The following PRR5 variants were observed in gnomAD, a reference collection of about 807,000 sequenced individuals.
PRR5 encodes the protein proline-rich protein 5.
In PRR5, 25 loss-of-function variants were observed where a neutral mutation model predicts 30.6. The observed-to-expected ratio is 0.82, with a 90% confidence interval of 0.60 to 1.14. The LOEUF (loss-of-function observed/expected upper bound fraction) is 1.14, where lower values mean the gene tolerates loss of function less well. Among genes scored for constraint, PRR5 ranks in the 50% most tolerant of loss-of-function variants. The pLI is 0.00. For missense variants in PRR5, 600 were observed against 547.1 expected (o/e 1.10, Z -0.96); for synonymous variants, 286 against 247.1 (o/e 1.16, Z -1.48).
chr22:44,720,476 G>A (rs1054984735), intron 2 of PRR5, among the ~76,000 whole-genome samples: 1 of 152,216 alleles, frequency 6.6e-6, no homozygotes, highest in Admixed American at 6.5e-5. Flanking sequence ...CATGGTTGGA[G>A]TTGGTGTGCG....
At chr22:44,717,245 G>A (rs1569095078) in intron 2 of PRR5, among the ~76,000 whole-genome samples, 1 of 138,968 alleles carries the variant, frequency 7.2e-6, no homozygotes, top group Non-Finnish European at 1.5e-5. Flanking sequence ...AGGCTGGAGT[G>A]CAGTGGTGCG....
chr22:44,728,055 G>A (rs928628876), intron 4 of PRR5, among the ~76,000 whole-genome samples: 2 of 152,216 alleles, frequency 1.3e-5, no homozygotes, highest in African/African-American at 2.4e-5. Context: ...CGGGGCTCTC[G>A]GAGAAGGGAG....
At chr22:44,733,981 T>A (rs1922718522) in intron 6 of PRR5, 1 of 152,268 alleles carries the variant, frequency 6.6e-6, no homozygotes. Flanking sequence ...CTTACAATTG[T>A]ACCTGGGTGT....
At chr22:44,727,302 G>A (rs891078545) in intron 4 of PRR5, among the ~76,000 whole-genome samples, 7 of 152,126 alleles carry the variant, frequency 4.6e-5, no homozygotes, top group Non-Finnish European at 1.0e-4. Flanking sequence ...GCAGCAGCGT[G>A]CGCATCCTTG....
At chr22:44,707,218 A>T (rs982573307) in intron 1 of PRR5, among the ~76,000 whole-genome samples, 2 of 152,122 alleles carry the variant, frequency 1.3e-5, no homozygotes, top group African/African-American at 4.8e-5. Context: ...CCAGCTATGA[A>T]GGCCGTGCTC....
intron 2 of PRR5, among the ~76,000 whole-genome samples, chr22:44,723,306 G>A (rs1930217593): frequency 6.6e-6 from 1 of 152,044 alleles, no homozygotes; most frequent in African/African-American, 2.4e-5. Flanking sequence ...AACATTGAAA[G>A]CTGTTGTACT....
intron 1 of PRR5, among the ~76,000 whole-genome samples, chr22:44,670,514 G>C (rs1168141528): frequency 1.3e-5 from 2 of 152,204 alleles, no homozygotes; most frequent in Admixed American, 1.3e-4. Flanking sequence ...AGTCAGGGAG[G>C]TCCAAAGAAG....
upstream of PRR5, among the ~76,000 whole-genome samples, chr22:44,697,421 G>A (rs925202842): frequency 5.9e-5 from 9 of 152,238 alleles, no homozygotes; most frequent in African/African-American, 1.4e-4. Flanking sequence ...GGGATGGGAC[G>A]GCCCGGATGG....
intron 1 of PRR5, among the ~76,000 whole-genome samples, chr22:44,671,122 T>A (rs1395867061): frequency 6.6e-6 from 1 of 152,188 alleles, no homozygotes. Flanking sequence ...CCGGGTCAGA[T>A]GGCAGTGTGG....
intron 1 of PRR5, among the ~76,000 whole-genome samples, chr22:44,704,228 T>A (rs964995586): frequency 2.6e-5 from 4 of 152,152 alleles, no homozygotes; most frequent in Non-Finnish European, 5.9e-5. Flanking sequence ...CCTGTAGGGA[T>A]GGCATTTGGA....
chr22:44,704,020 TG>T (rs1397387172), intron 1 of PRR5, among the ~76,000 whole-genome samples: 2 of 152,242 alleles, frequency 1.3e-5, no homozygotes, highest in African/African-American at 4.8e-5. Flanking sequence ...CCCTACTCTG[TG>T]GTCTTGAGCA....
chr22:44,693,994 A>G (rs576420459), intron 1 of PRR5, among the ~76,000 whole-genome samples: 94 of 151,872 alleles, frequency 6.2e-4, no homozygotes, highest in Non-Finnish European at 7.9e-4. Context: ...GTATGACCTC[A>G]TCTCAATTTG....
In PRR5 at chr22:44,696,513, G is replaced by A. The variant is rs572310045; in HGVS notation, c.-10-5979G>A. On this transcript the variant is annotated intron_variant, in intron 1 of 8. Coordinates refer to the PRR5 transcript ENST00000006251. ...TCTGGTGTATTAAGACCAGGGACCT[G>A]CTGGCCAGAGCCCCCTCCCCGGCCC... Among the ~76,000 whole-genome samples, 7 of 152,228 alleles carry A rather than the reference G, an allele frequency of 4.6e-5. No individual in the cohort carries two copies. The East Asian group carries it at 1.4e-3, about 29-fold the overall frequency.
At chr22:44,728,213 A>G (rs1437788083) in intron 4 of PRR5, among the ~76,000 whole-genome samples, 3 of 152,180 alleles carry the variant, frequency 2.0e-5, no homozygotes, top group Non-Finnish European at 4.4e-5. Context: ...TGGCCTCCCC[A>G]GGTCTCAGGG....
intron 1 of PRR5, among the ~76,000 whole-genome samples, chr22:44,669,308 C>G (rs534367215): frequency 2.2e-3 from 335 of 152,334 alleles, no homozygotes; most frequent in African/African-American, 7.6e-3. Context: ...CCTTTCTGAG[C>G]CCTGTCCTGG....
upstream of PRR5, among the ~76,000 whole-genome samples, chr22:44,698,111 C>T (rs529647299): frequency 6.6e-6 from 1 of 152,318 alleles, no homozygotes; most frequent in East Asian, 1.9e-4. Context: ...ATTGCAGGCC[C>T]TTCAGAAGGG....
Position 44,732,402 on chromosome 22 carries a change from T to G in PRR5, c.555+11T>G. 1 of 1,602,138 alleles carries G rather than the reference T, an allele frequency of 6.2e-7. No individual in the cohort carries two copies. Among genetic ancestry groups the G allele is most frequent in the Non-Finnish European group, 8.5e-7 (1 of 1,174,816 alleles). On this transcript the variant is annotated intron_variant, in intron 6 of 7. Transcript: ENST00000336985. ...CTGCTGGTGCTGCAGGTGGGCACAG[T>G]GGGCAGAGGGTCGGGCATGGGGACC...
chr22:44,712,045 C>T (rs12483865), intron 1 of PRR5, among the ~76,000 whole-genome samples: 53,639 of 151,960 alleles, frequency 0.35, 9,989 homozygotes, highest in South Asian at 0.48. Flanking sequence ...GGGGCCACCC[C>T]AGGGCTTCTC....
chr22:44,710,403 G>A (rs773710362), intron 1 of PRR5, among the ~76,000 whole-genome samples: 8 of 152,148 alleles, frequency 5.3e-5, no homozygotes, highest in Non-Finnish European at 8.8e-5. Flanking sequence ...TGGGGCTGGG[G>A]GGGCTTCCTA....
Sources: gnomAD v4.1 joint callset for allele counts (sites outside exome capture counted in the v4.1 genomes callset) on GRCh38, gnomAD v4.1.1 for gene constraint, MANE v1.5 for transcripts, NCBI Gene and HGNC (gene_info 2026-07-23, HGNC 2026-07-21) for gene names.